The following EXOC4 variants were observed in gnomAD, a reference collection of about 807,000 sequenced individuals.
The protein encoded by EXOC4 is SEC8-like 1.
A neutral mutation model predicts 107.2 loss-of-function variants in EXOC4; 71 were observed. That is an observed-to-expected ratio of 0.66 (90% CI 0.55 to 0.81). The LOEUF (loss-of-function observed/expected upper bound fraction) is 0.81, where lower values mean the gene tolerates loss of function less well. Among genes scored for constraint, EXOC4 ranks in the 30% least tolerant of loss-of-function variants. The pLI is 0.00. For synonymous variants in EXOC4, 456 were observed against 441.2 expected, an observed-to-expected ratio of 1.03 and a Z score of -0.42; for missense variants, 1,108 against 1,189.6, an observed-to-expected ratio of 0.93 and a Z score of 1.01.
intron 7 of EXOC4, among the ~76,000 whole-genome samples, chr7:133,389,754 T>C (rs1008451912): frequency 6.6e-6 from 1 of 152,052 alleles, no homozygotes; most frequent in Non-Finnish European, 1.5e-5. Flanking sequence ...TTCACACTGC[T>C]GATAAAGACA....
intron 10 of EXOC4, among the ~76,000 whole-genome samples, chr7:133,764,771 T>C (rs1447467046): frequency 6.6e-6 from 1 of 152,062 alleles, no homozygotes; most frequent in Admixed American, 6.6e-5. Context: ...GTGCTTAAGA[T>C]TGATCAAGCT....
At chr7:133,932,956 T>G (rs1368100730) in intron 13 of EXOC4, among the ~76,000 whole-genome samples, 1 of 151,948 alleles carries the variant, frequency 6.6e-6, no homozygotes, top group Non-Finnish European at 1.5e-5. Context: ...AAATAAAATG[T>G]GATCAGATAC....
At chr7:133,719,425 G>A (rs1228236940) in intron 10 of EXOC4, among the ~76,000 whole-genome samples, 2 of 151,996 alleles carry the variant, frequency 1.3e-5, no homozygotes, top group Admixed American at 1.3e-4. Context: ...AGATTGGAAA[G>A]TAAACAAATT....
At chr7:133,873,620 G>GTA (rs1227335919) in intron 11 of EXOC4, among the ~76,000 whole-genome samples, 3 of 152,144 alleles carry the variant, frequency 2.0e-5, no homozygotes, top group African/African-American at 7.2e-5. Flanking sequence ...GAAAACAGTG[G>GTA]TAATATAGAT....
chr7:133,591,551 T>G (rs1801544087), intron 9 of EXOC4, among the ~76,000 whole-genome samples: 1 of 35,644 alleles, frequency 2.8e-5, no homozygotes, highest in Admixed American at 3.3e-4. Context: ...AGATCTGGTG[T>G]GTGTGTGTGT....
At chr7:133,571,778 G>A (rs990961145) in intron 9 of EXOC4, among the ~76,000 whole-genome samples, 13 of 152,164 alleles carry the variant, frequency 8.5e-5, no homozygotes, top group Non-Finnish European at 1.2e-4. Context: ...TGTCTGGTAA[G>A]AGCTGCATTC....
chr7:133,921,522 T>C (rs1799936101), intron 13 of EXOC4, among the ~76,000 whole-genome samples: 1 of 152,228 alleles, frequency 6.6e-6, no homozygotes, highest in African/African-American at 2.4e-5. Context: ...ACTCTCTTCT[T>C]GTCTGCATGA....
chr7:133,592,423 C>A (rs1801571009), intron 9 of EXOC4, among the ~76,000 whole-genome samples: 3 of 152,122 alleles, frequency 2.0e-5, no homozygotes, highest in Non-Finnish European at 4.4e-5. Context: ...TACCCAGCAA[C>A]TAAATTGGTA....
chr7:133,404,838 G>A (rs1170277415), intron 7 of EXOC4, among the ~76,000 whole-genome samples: 1 of 151,032 alleles, frequency 6.6e-6, no homozygotes, highest in Non-Finnish European at 1.5e-5. Context: ...ACCAGCCTGG[G>A]CAACATAGTG....
intron 7 of EXOC4, among the ~76,000 whole-genome samples, chr7:133,461,402 A>T (rs1038159241): frequency 1.3e-5 from 2 of 152,190 alleles, no homozygotes; most frequent in African/African-American, 4.8e-5. Context: ...GTTGAATCTG[A>T]ATTTGCAATT....
chr7:133,760,616 T>G (rs1300960382), intron 10 of EXOC4, among the ~76,000 whole-genome samples: 1 of 152,100 alleles, frequency 6.6e-6, no homozygotes, highest in Non-Finnish European at 1.5e-5. Context: ...GCCCATCTGT[T>G]TTGACCTCGC....
chr7:133,449,541 T>G (rs1036134653), intron 7 of EXOC4, among the ~76,000 whole-genome samples: 2 of 152,226 alleles, frequency 1.3e-5, no homozygotes, highest in Non-Finnish European at 2.9e-5. Flanking sequence ...ACATTGCTCC[T>G]TAGTCTTCTC....
chr7:133,480,589 C>G, intron 9 of EXOC4: 2 of 287,302 alleles, frequency 7.0e-6, no homozygotes, highest in East Asian at 1.1e-4. Context: ...ATGTTATAAT[C>G]AATATAACTG....
chr7:133,793,806 T>A (rs912204409), intron 10 of EXOC4, among the ~76,000 whole-genome samples: 7 of 152,012 alleles, frequency 4.6e-5, no homozygotes, highest in African/African-American at 1.7e-4. Flanking sequence ...ATCGCGCCTC[T>A]GCACTACAAC....
At chr7:133,805,069 A>G (rs1182195203) in intron 10 of EXOC4, among the ~76,000 whole-genome samples, 1 of 152,208 alleles carries the variant, frequency 6.6e-6, no homozygotes, top group Non-Finnish European at 1.5e-5. Flanking sequence ...GGTATAAATC[A>G]AAGATGTACA....
chr7:133,725,707 A>G (rs949997777), intron 10 of EXOC4, among the ~76,000 whole-genome samples: 1 of 152,140 alleles, frequency 6.6e-6, no homozygotes, highest in African/African-American at 2.4e-5. Context: ...CTCTATGACA[A>G]CTACTGAAGT....
intron 9 of EXOC4, among the ~76,000 whole-genome samples, chr7:133,593,428 C>A (rs1020629012): frequency 9.2e-5 from 14 of 152,162 alleles, no homozygotes; most frequent in African/African-American, 3.4e-4. Context: ...AGCTAGAAAT[C>A]TTTAAGCCAC....
At chr7:133,901,259 G>C (rs771744424) in intron 12 of EXOC4, among the ~76,000 whole-genome samples, 4 of 152,130 alleles carry the variant, frequency 2.6e-5, no homozygotes, top group Non-Finnish European at 5.9e-5. Flanking sequence ...AGCTATTCCT[G>C]TAAGTTCCTT....
At chr7:133,455,845 ACTT>A (rs1195068799) in intron 7 of EXOC4, among the ~76,000 whole-genome samples, 10 of 152,224 alleles carry the variant, frequency 6.6e-5, no homozygotes, top group Admixed American at 6.5e-4. Context: ...AAGTAACAGA[ACTT>A]CTTGCAACAT....
Sources: allele counts gnomAD v4.1 joint callset (sites outside exome capture counted in the v4.1 genomes callset), GRCh38; gene constraint gnomAD v4.1.1; transcripts MANE v1.5; gene names NCBI Gene and HGNC (gene_info 2026-07-23, HGNC 2026-07-21).